Variants in CCDC150 observed in about 807,000 individuals in gnomAD.
CCDC150 encodes the protein coiled-coil domain containing 150.
A neutral mutation model predicts 156.5 loss-of-function variants in CCDC150; 151 were observed. The observed-to-expected ratio is 0.97, with a 90% CI of 0.85 to 1.10. The LOEUF is 1.10. Among genes scored for constraint, CCDC150 ranks in the 50% least tolerant of loss-of-function variants. The pLI is 0.00. For synonymous variants in CCDC150, 452 were observed against 429.4 expected (o/e 1.05, Z -0.65); for missense variants, 1,312 against 1,268.1 (o/e 1.03, Z -0.53).
chr2:196,652,178 GTTC>G (rs1391342426), intron 2 of CCDC150, among the ~76,000 whole-genome samples: 2 of 152,092 alleles, frequency 1.3e-5, no homozygotes, highest in Non-Finnish European at 2.9e-5. Flanking sequence ...CCCAAATCTT[GTTC>G]TTCTCGCACT....
At chr2:196,685,326 T>C (rs1695059186) in intron 13 of CCDC150, among the ~76,000 whole-genome samples, 1 of 152,214 alleles carries the variant, frequency 6.6e-6, no homozygotes, top group African/African-American at 2.4e-5. Context: ...TATTGTCTAG[T>C]GCCCTTTTAT....
Position 196,695,033 on chromosome 2 carries a change from T to C in CCDC150, c.1510-13T>C, listed in dbSNP as rs760745674. 33 of 1,405,424 alleles carry C rather than the reference T, an allele frequency of 2.3e-5. No individual in the cohort carries two copies. The highest frequency in any genetic ancestry group is 3.2e-5 in the Non-Finnish European group (32 of 1,011,592). 87.1% of individuals were successfully genotyped at this position (1,405,424 alleles called of 1,614,324 possible). On this transcript the variant is annotated splice_polypyrimidine_tract_variant and intron_variant, in intron 13 of 27. Transcript: ENST00000389175. ...GCGTAAATAGTTTCTTTTTTACTTT[T>C]GTTTCTTTAAAGGTAGACATAAATA...
intron 15 of CCDC150, 148 bp from the exon 16 acceptor site, chr2:196,711,997 T>A: frequency 2.7e-6 from 1 of 369,178 alleles, no homozygotes. Flanking sequence ...TTTTTGCAAG[T>A]TTTAAAGATT....
chr2:196,692,032 T>G (rs533221418), intron 13 of CCDC150, among the ~76,000 whole-genome samples: 1 of 152,298 alleles, frequency 6.6e-6, no homozygotes, highest in East Asian at 1.9e-4. Context: ...ATTTTGATTA[T>G]TTCTTGTCTT....
intron 21 of CCDC150, among the ~76,000 whole-genome samples, chr2:196,722,897 G>A (rs1167172934): frequency 1.3e-5 from 2 of 152,082 alleles, no homozygotes; most frequent in Non-Finnish European, 2.9e-5. Context: ...AAAATGATTA[G>A]GTCATTTACA....
At chr2:196,644,370 G>T (rs1445750251) in intron 1 of CCDC150, among the ~76,000 whole-genome samples, 2 of 152,114 alleles carry the variant, frequency 1.3e-5, no homozygotes, top group Non-Finnish European at 2.9e-5. Flanking sequence ...TAGAATGGAG[G>T]TGTTTCTCCA....
Position 196,665,048 on chromosome 2 carries a change from TAAATC to T in CCDC150, c.646-515_646-511del, listed in dbSNP as rs539827401. Among the ~76,000 whole-genome samples the T allele has an allele frequency of 2.6e-5, 4 of 152,202 alleles. No individual in the cohort carries two copies. The South Asian group carries it at 8.3e-4, about 32-fold the overall frequency. ...TACTGCAGGATAAAAAATATGTAGA[TAAATC>T]AAAATACAGGAAAATAAGAGTTGAA... On this transcript the variant is annotated intron_variant, in intron 5 of 27. Coordinates refer to ENST00000389175, the MANE Select transcript of CCDC150 (RefSeq NM_001080539.2).
At chr2:196,728,505 G>C (rs1698339799) in intron 22 of CCDC150, among the ~76,000 whole-genome samples, 1 of 152,048 alleles carries the variant, frequency 6.6e-6, no homozygotes. Flanking sequence ...AATGGTTTAA[G>C]GGCATATTAG....
At chr2:196,649,651 A>T (rs1170737109) in intron 2 of CCDC150, among the ~76,000 whole-genome samples, 1 of 152,140 alleles carries the variant, frequency 6.6e-6, no homozygotes, top group Non-Finnish European at 1.5e-5. Context: ...ATAACTCATT[A>T]CTGTATTTGT....
intron 2 of CCDC150, 43 bp downstream of exon 2, chr2:196,646,547 C>T (rs1173254611): frequency 5.4e-6 from 8 of 1,494,758 alleles, no homozygotes; most frequent in Non-Finnish European, 7.4e-6. Context: ...AAGAATTTTG[C>T]TTCACTGCTT....
chr2:196,714,914 G>A (rs572029177), intron 17 of CCDC150, among the ~76,000 whole-genome samples: 57 of 152,176 alleles, frequency 3.7e-4, no homozygotes, highest in Admixed American at 2.7e-3. Flanking sequence ...GTAAGTTGCC[G>A]TCTTTTGCAC....
At chr2:196,652,962 T>C (rs1692971177) in intron 2 of CCDC150, among the ~76,000 whole-genome samples, 1 of 152,226 alleles carries the variant, frequency 6.6e-6, no homozygotes, top group South Asian at 2.1e-4. Context: ...CTTTGAGCCA[T>C]GGTGAGAGCT....
intron 11 of CCDC150, 74 bp from the exon 12 acceptor site, chr2:196,676,480 G>A: frequency 7.2e-7 from 1 of 1,392,400 alleles, no homozygotes; most frequent in Non-Finnish European, 9.8e-7. Flanking sequence ...TGTTCTATAA[G>A]AACATTTAAT....
At chr2:196,661,408 T>A (rs904622604) in intron 5 of CCDC150, among the ~76,000 whole-genome samples, 2 of 152,182 alleles carry the variant, frequency 1.3e-5, no homozygotes, top group African/African-American at 2.4e-5. Flanking sequence ...CCTCACATGC[T>A]CTTTTATTTG....
At chr2:196,660,029 G>T (rs1490735690) in intron 5 of CCDC150, among the ~76,000 whole-genome samples, 1 of 151,988 alleles carries the variant, frequency 6.6e-6, no homozygotes, top group Non-Finnish European at 1.5e-5. Context: ...TCTTTTTATT[G>T]TCTCTCTAGT....
intron 13 of CCDC150, among the ~76,000 whole-genome samples, chr2:196,684,082 G>T (rs952096513): frequency 6.6e-6 from 1 of 151,870 alleles, no homozygotes; most frequent in East Asian, 1.9e-4. Flanking sequence ...TTAGGTTATT[G>T]ATTGAGAAAT....
At chr2:196,644,248 C>T (rs1211850145) in intron 1 of CCDC150, among the ~76,000 whole-genome samples, 2 of 152,114 alleles carry the variant, frequency 1.3e-5, no homozygotes, top group Non-Finnish European at 2.9e-5. Flanking sequence ...GGAGAGAGGA[C>T]AAAGGAGCTG....
chr2:196,707,069 T>C (rs759271366), intron 15 of CCDC150, among the ~76,000 whole-genome samples: 2 of 152,238 alleles, frequency 1.3e-5, no homozygotes, highest in African/African-American at 2.4e-5. Context: ...TTGATTGGGA[T>C]AGTTTCAGAA....
intron 5 of CCDC150, among the ~76,000 whole-genome samples, chr2:196,659,807 T>G (rs541645861): frequency 6.6e-6 from 1 of 152,336 alleles, no homozygotes; most frequent in East Asian, 1.9e-4. Context: ...TTTTGTAACA[T>G]TTGATGAGCC....
Sources: allele counts gnomAD v4.1 joint callset (sites outside exome capture counted in the v4.1 genomes callset), GRCh38; gene constraint gnomAD v4.1.1; transcripts MANE v1.5; gene names NCBI Gene and HGNC (gene_info 2026-07-23, HGNC 2026-07-21).